TENM4: variants seen among roughly 807,000 people sequenced by gnomAD.
TENM4 encodes teneurin transmembrane protein 4.
A neutral mutation model predicts 243.3 loss-of-function variants in TENM4; 82 were observed. That is an observed-to-expected ratio of 0.34 (90% confidence interval 0.28 to 0.40). TENM4 has a LOEUF of 0.40. Ranked by LOEUF, TENM4 falls within the 10% of genes least tolerant of loss-of-function variation. TENM4 has a pLI of 1.00. For synonymous variants in TENM4, 1,412 were observed against 1,456.3 expected (o/e 0.97, Z 0.69); for missense variants, 3,138 against 3,673.3 (o/e 0.85, Z 3.77).
At chr11:79,411,853 C>G (rs1381471141) in intron 1 of TENM4, among the ~76,000 whole-genome samples, 5 of 152,232 alleles carry the variant, frequency 3.3e-5, no homozygotes, top group Non-Finnish European at 7.3e-5. Context: ...CCTATTTCAG[C>G]TCTGTCAATG....
intron 6 of TENM4, among the ~76,000 whole-genome samples, chr11:78,976,283 C>G (rs979917404): frequency 1.3e-5 from 2 of 152,022 alleles, no homozygotes; most frequent in Non-Finnish European, 2.9e-5. Flanking sequence ...GTCAGGGATT[C>G]GTGTAACCAA....
chr11:79,134,832 C>T (rs910477084), intron 4 of TENM4, among the ~76,000 whole-genome samples: 2 of 152,092 alleles, frequency 1.3e-5, no homozygotes, highest in Admixed American at 6.5e-5. Context: ...CTCACTTATA[C>T]AAAAATCAAC....
At chr11:78,860,721 AT>A (rs570806339) in intron 10 of TENM4, among the ~76,000 whole-genome samples, 1 of 152,064 alleles carries the variant, frequency 6.6e-6, no homozygotes, top group African/African-American at 2.4e-5. Context: ...AGTCTGACGT[AT>A]TTTTTTTGTC....
At chr11:78,875,992 G>C (rs1438054455) in intron 9 of TENM4, among the ~76,000 whole-genome samples, 2 of 152,172 alleles carry the variant, frequency 1.3e-5, no homozygotes, top group African/African-American at 2.4e-5. Flanking sequence ...TCAGGTATGG[G>C]GACAGGGACA....
At chr11:79,340,511 A>C (rs1423421489) in intron 1 of TENM4, among the ~76,000 whole-genome samples, 1 of 152,158 alleles carries the variant, frequency 6.6e-6, no homozygotes, top group Non-Finnish European at 1.5e-5. Context: ...GATTTCCTGC[A>C]CGGGACATCA....
intron 1 of TENM4, among the ~76,000 whole-genome samples, chr11:79,420,328 C>T (rs1269486278): frequency 6.6e-6 from 1 of 152,178 alleles, no homozygotes; most frequent in African/African-American, 2.4e-5. Flanking sequence ...AGCTTGCAGC[C>T]TCCCAAGAGG....
At chr11:79,279,506 C>T (rs1427366826) in intron 2 of TENM4, among the ~76,000 whole-genome samples, 4 of 152,184 alleles carry the variant, frequency 2.6e-5, no homozygotes, top group Non-Finnish European at 4.4e-5. Context: ...AGGGCTATTG[C>T]AGGCCAACCT....
intron 20 of TENM4, among the ~76,000 whole-genome samples, chr11:78,732,837 A>G (rs1425887647): frequency 1.3e-5 from 2 of 152,194 alleles, no homozygotes; most frequent in Admixed American, 6.5e-5. Flanking sequence ...GCCATTTTTC[A>G]GGATACACAA....
At chr11:79,279,865 TAA>T (rs1467039197) in intron 2 of TENM4, among the ~76,000 whole-genome samples, 2 of 152,310 alleles carry the variant, frequency 1.3e-5, no homozygotes, top group African/African-American at 4.8e-5. Context: ...GCAACAGTAT[TAA>T]GAGGTGTGAC....
intron 6 of TENM4, among the ~76,000 whole-genome samples, chr11:79,023,841 C>G (rs1225612016): frequency 1.5e-4 from 23 of 152,170 alleles, no homozygotes; most frequent in Admixed American, 1.5e-3. Flanking sequence ...GGGCAGTACT[C>G]ACTACCTGGC....
chr11:78,712,759 C>A, intron 25 of TENM4, 45 bp from the exon 26 acceptor site: 1 of 1,556,948 alleles, frequency 6.4e-7, no homozygotes, highest in Non-Finnish European at 8.8e-7. Flanking sequence ...TTTCTTCTTC[C>A]TATGAGTAGC....
chr11:78,789,380 A>C (rs992849191), intron 15 of TENM4, among the ~76,000 whole-genome samples: 1 of 152,160 alleles, frequency 6.6e-6, no homozygotes, highest in Non-Finnish European at 1.5e-5. Context: ...TTTCTTGCTC[A>C]CATAGACAAA....
intron 6 of TENM4, among the ~76,000 whole-genome samples, chr11:78,959,893 A>G (rs544371667): frequency 6.6e-6 from 1 of 152,180 alleles, no homozygotes; most frequent in South Asian, 2.1e-4. Context: ...TTCTACGTGT[A>G]AGGCTTACTC....
At chr11:78,736,845 T>C (rs770461899) in intron 20 of TENM4, among the ~76,000 whole-genome samples, 1 of 152,160 alleles carries the variant, frequency 6.6e-6, no homozygotes, top group Non-Finnish European at 1.5e-5. Context: ...GTTGCAGCAA[T>C]TCTGGCTACG....
intron 9 of TENM4, among the ~76,000 whole-genome samples, chr11:78,876,994 G>C (rs143700190): frequency 6.6e-6 from 1 of 152,186 alleles, no homozygotes; most frequent in Admixed American, 6.5e-5. Flanking sequence ...CTTGCTTAAT[G>C]CTCAAAACAC....
intron 19 of TENM4, among the ~76,000 whole-genome samples, chr11:78,745,490 A>C (rs1156265796): frequency 6.6e-6 from 1 of 151,576 alleles, no homozygotes; most frequent in Admixed American, 6.6e-5. Flanking sequence ...TTGGCCTCTC[A>C]AAGTGGTAGG....
rs1857714400 is a variant in TENM4 at position 78,978,370 on chromosome 11, G to GAAAAT, written c.494-74848_494-74847insATTTT. 2.0e-5 allele frequency among the ~76,000 whole-genome samples: 3 copies of GAAAAT among 151,450 alleles called. No individual in the cohort carries two copies. In the Admixed American group the frequency reaches 2.0e-4, roughly 10 times the overall value. On this transcript the variant is annotated intron_variant, in intron 6 of 33. Transcript: ENST00000278550. ...AGTAAGAAAAGAAAAGAAAAGAAAA[G>GAAAAT]AAAAGAAAAGAAAAGAAAAGAAAAG...
chr11:79,066,653 C>T (rs1565189674), intron 5 of TENM4, among the ~76,000 whole-genome samples: 1 of 151,768 alleles, frequency 6.6e-6, no homozygotes, highest in South Asian at 2.1e-4. Flanking sequence ...TGCACACACA[C>T]GTGCAAACAT....
At chr11:78,879,608 T>C (rs1859374262) in intron 9 of TENM4, among the ~76,000 whole-genome samples, 2 of 136,528 alleles carry the variant, frequency 1.5e-5, no homozygotes, top group Non-Finnish European at 3.1e-5. Context: ...GGAGTGCCTC[T>C]GCCCGGCCGC....
Sources: gnomAD v4.1 joint callset for allele counts (sites outside exome capture counted in the v4.1 genomes callset) on GRCh38, gnomAD v4.1.1 for gene constraint, MANE v1.5 for transcripts, NCBI Gene and HGNC (gene_info 2026-07-23, HGNC 2026-07-21) for gene names.